BRPF3: variants seen among roughly 807,000 people sequenced by gnomAD.
BRPF3 encodes bromodomain and PHD finger-containing protein 3.
A neutral mutation model predicts 102.0 loss-of-function variants in BRPF3; 18 were observed. The observed-to-expected ratio is 0.18, with a 90% CI of 0.12 to 0.26. The LOEUF (loss-of-function observed/expected upper bound fraction) is 0.26. Among genes scored for constraint, BRPF3 ranks in the 10% least tolerant of loss-of-function variants. The pLI, the probability that BRPF3 is intolerant of heterozygous loss-of-function variation, is 1.00. For synonymous variants in BRPF3, 570 were observed against 614.2 expected (o/e 0.93, Z 1.06); for missense variants, 1,147 against 1,567.8 (o/e 0.73, Z 4.53).
At chr6:36,227,271 T>C (rs9470233) in intron 11 of BRPF3, among the ~76,000 whole-genome samples, 34,409 of 151,972 alleles carry the variant, frequency 0.23, 4,077 homozygotes, top group African/African-American at 0.29. Flanking sequence ...GTAAGAGTAA[T>C]ATACTGCATT....
intron 10 of BRPF3, among the ~76,000 whole-genome samples, chr6:36,224,843 C>T (rs965968445): frequency 6.6e-6 from 1 of 152,102 alleles, no homozygotes. Flanking sequence ...ATGGTTTTTA[C>T]ATTTTGAAAT....
intron 9 of BRPF3, among the ~76,000 whole-genome samples, chr6:36,220,092 G>A (rs926310480): frequency 2.6e-5 from 4 of 152,192 alleles, no homozygotes; most frequent in Non-Finnish European, 5.9e-5. Context: ...ATAACTGTAG[G>A]TTGGGTTGTC....
At position 36,230,922 on chromosome 6, in the gene BRPF3, TG is replaced by T; in HGVS notation, c.*316del. On this transcript the variant is annotated 3_prime_UTR_variant, in exon 13 of 13. Transcript: ENST00000357641. This position sits in a 1 kb window ranked among gnomAD's most constrained non-coding sequence, Gnocchi z 5.4. ...AGATTGCCCAGATGGCAAGAGGTCC[TG>T]GGCTCCTTCTTGAGGGGCTGCCTGG... 2.5e-5 allele frequency: 8 copies of T among 325,430 alleles called. No homozygotes were observed. In the South Asian group the frequency reaches 3.5e-4, roughly 14 times the overall value. The allele number at this position is 325,430 out of a possible 1,614,324, so 20.2% of individuals were successfully genotyped here.
Position 36,230,651 on chromosome 6 carries a change from C to T in BRPF3, c.*42C>T, listed in dbSNP as rs763777070. 1.1e-5 allele frequency: 17 copies of T among 1,593,112 alleles called. No homozygotes were observed. Among genetic ancestry groups the T allele is most frequent in the African/African-American group, 2.7e-5 (2 of 74,504 alleles). On this transcript the variant is annotated 3_prime_UTR_variant, in exon 13 of 13. Coordinates refer to ENST00000357641, the MANE Select transcript of BRPF3 (RefSeq NM_015695.3). This position sits in a 1 kb window ranked among gnomAD's most constrained non-coding sequence, Gnocchi z 5.4. ...GCATCCGCTTGCCCTGCCTCCATCC[C>T]GCAGGGCACAGAGAAGCCTCTTCTG...
Position 36,214,395 on chromosome 6 carries a change from GCCT to G in BRPF3, c.2989+10_2989+12del. 1 of 1,547,894 alleles carries G rather than the reference GCCT, an allele frequency of 6.5e-7. No individual in the cohort carries two copies. The highest frequency in any genetic ancestry group is 1.4e-5 in the African/African-American group (1 of 72,930). On this transcript the variant is annotated intron_variant, in intron 8 of 12. Transcript: ENST00000357641. ...GCAGGAGGAAGAGACAGGTGACCCT[GCCT>G]GTGACTTCTCTTGATACTTCGCATC...
chr6:36,204,915 T>C (rs777263159), intron 3 of BRPF3, 101 bp downstream of exon 3: 4 of 1,494,426 alleles, frequency 2.7e-6, no homozygotes, highest in South Asian at 2.6e-5. Context: ...GATCCCTCCA[T>C]GGAGCCTTTG....
In BRPF3 at chr6:36,213,977, A is replaced by G. The variant is rs778754342; in HGVS notation, c.2580A>G (p.Lys860=). The part of the protein sequence containing the change: ...QESPPEPPTL[K]PINDSKPPSR... ...CCCCCCCGGAGCCCCCTACTCTGAA[A>G]CCCATTAATGATAGCAAACCTCCAA... is the stretch of plus-strand genomic sequence containing the variant. Residue 860 remains lysine, a synonymous_variant, in exon 8 of 13, where the codon AAA becomes AAG. Transcript: ENST00000357641. 1.2e-5 allele frequency: 19 copies of G among 1,613,968 alleles called. No individual in the cohort carries two copies. In the South Asian group the frequency reaches 1.8e-4, roughly 15 times the overall value.
At chr6:36,211,610 A>G (rs752933061) in intron 7 of BRPF3, 50 bp downstream of exon 7, 4 of 1,528,316 alleles carry the variant, frequency 2.6e-6, no homozygotes. Context: ...AAGAGGGACA[A>G]AGGCTAAGCT....
rs139033322 is a variant in BRPF3, at chr6:36,215,221, A to G, written c.2989+835A>G. ...AACCTCTGCCTCCTGGGTTCAAGCAATTCTCCTGCCTCAGCCTCCCAAGTA... is the reference window on the plus strand; with the variant it reads ...AACCTCTGCCTCCTGGGTTCAAGCAGTTCTCCTGCCTCAGCCTCCCAAGTA... On this transcript the variant is annotated intron_variant, in intron 8 of 12. Transcript: ENST00000357641. 1.6e-3 allele frequency among the ~76,000 whole-genome samples: 241 copies of G among 152,176 alleles called. 1 individual carries two copies. Among genetic ancestry groups the G allele is most frequent in the East Asian group, 3.9e-3 (20 of 5,184 alleles).
intron 8 of BRPF3, among the ~76,000 whole-genome samples, chr6:36,215,111 T>G (rs996222460): frequency 1.7e-4 from 25 of 150,298 alleles, no homozygotes; most frequent in Admixed American, 2.7e-4. Flanking sequence ...AAAGAGAGGG[T>G]TTTTTTTTGT....
At chr6:36,198,823 C>T (rs997371677) in intron 1 of BRPF3, among the ~76,000 whole-genome samples, 1 of 152,208 alleles carries the variant, frequency 6.6e-6, no homozygotes, top group Non-Finnish European at 1.5e-5. Context: ...CCTACCGCAG[C>T]TCCTTATGAG....
chr6:36,198,037 G>T (rs1418207855), intron 1 of BRPF3, among the ~76,000 whole-genome samples: 1 of 152,180 alleles, frequency 6.6e-6, no homozygotes, highest in Non-Finnish European at 1.5e-5. Context: ...TGCCTTTGGA[G>T]GGGTGGGTGA....
chr6:36,229,105 T>C (rs1293919554), intron 12 of BRPF3, 49 bp downstream of exon 12: 3 of 1,591,914 alleles, frequency 1.9e-6, no homozygotes, highest in Admixed American at 3.5e-5. Context: ...CAGGGGTCTG[T>C]GCCAGTGGTG....
At chr6:36,224,194 T>G (rs571500811) in intron 10 of BRPF3, among the ~76,000 whole-genome samples, 2 of 152,288 alleles carry the variant, frequency 1.3e-5, no homozygotes, top group East Asian at 3.9e-4. Context: ...AGATCCTATC[T>G]CTACAAAAAA....
intron 2 of BRPF3, 137 bp from the exon 3 acceptor site, chr6:36,204,521 G>A: frequency 3.3e-6 from 3 of 920,954 alleles, no homozygotes; most frequent in Non-Finnish European, 5.3e-6. Context: ...GCCTTTCTCT[G>A]AGGTGAGGTA....
Position 36,230,355 on chromosome 6 carries a change from TG to T in BRPF3, c.3435-67del. ...CCTGGCTTTGCTGGTCCTGGCCAAG[TG>T]GGGCCACAGGAGCCCGAGCCCCCTG... On this transcript the variant is annotated intron_variant, in intron 12 of 12. Transcript: ENST00000357641. The surrounding 1 kb of genome is among the most constrained non-coding windows in gnomAD (Gnocchi z 5.4). 6.6e-7 allele frequency: 1 copy of T among 1,516,416 alleles called. No individual in the cohort carries two copies. Among genetic ancestry groups the T allele is most frequent in the Non-Finnish European group, 9.0e-7 (1 of 1,105,708 alleles). 93.9% of individuals were successfully genotyped at this position (1,516,416 alleles called of 1,614,324 possible).
chr6:36,204,274 C>G (rs1767825726), intron 2 of BRPF3: 1 of 248,330 alleles, frequency 4.0e-6, no homozygotes, highest in Admixed American at 5.2e-5. Flanking sequence ...GCCACATTAA[C>G]CATAGCTTAC....
In BRPF3 at chr6:36,213,921, G is replaced by A; in HGVS notation, c.2524G>A (p.Gly842Arg). ...LPPPPTLEPT[G>R]PAPSLSEQES... ...TCCTCCGCCAACCCTGGAGCCCACT[G>A]GGCCTGCACCTTCCTTGTCTGAGCA... The change falls in exon 8 of 13, where the codon GGG (glycine) becomes AGG (arginine). Residue 842 changes from glycine to arginine, a missense_variant. Gly to Arg is a moderately radical substitution (Grantham distance 125). This residue lies in a region of BRPF3 where 379 missense variants were observed against 426.3 expected (regional missense o/e 0.89). Transcript: ENST00000357641. The A allele has an allele frequency of 6.2e-7, 1 of 1,613,618 alleles. No individual in the cohort carries two copies. The highest frequency in any genetic ancestry group is 1.1e-5 in the South Asian group (1 of 91,044).
rs754624970 is a variant in BRPF3 at position 36,228,967 on chromosome 6, G to C, written c.3345G>C (p.Pro1115=). 1 of 1,614,222 alleles carries C rather than the reference G, an allele frequency of 6.2e-7. No individual in the cohort carries two copies. Among genetic ancestry groups the C allele is most frequent in the East Asian group, 2.2e-5 (1 of 44,886 alleles). Residue 1115 remains proline (P), a synonymous_variant, in exon 12 of 13, where the codon CCG becomes CCC. Coordinates refer to ENST00000357641, the MANE Select transcript of BRPF3 (RefSeq NM_015695.3). The stretch of plus-strand genomic sequence containing the variant: ...ATGGCGTTCCCATCCCTGTCCCCCC[G>C]CTGGACGTGCTGAAGCTGGGAGAGC... The part of the protein sequence containing the change: ...LHNGVPIPVP[P]LDVLKLGEQK...
Sources: allele counts gnomAD v4.1 joint callset (sites outside exome capture counted in the v4.1 genomes callset), GRCh38; gene constraint gnomAD v4.1.1; regional missense constraint gnomAD v4.1.1; non-coding constraint Gnocchi (gnomAD v3.1); transcripts MANE v1.5; gene names NCBI Gene and HGNC (gene_info 2026-07-23, HGNC 2026-07-21).